CUL9: variants seen among roughly 807,000 people sequenced by gnomAD.
CUL9 encodes the protein cullin-9.
Under a neutral mutation model 272.6 loss-of-function variants are expected in CUL9, and 79 were observed. That is an observed-to-expected ratio of 0.29 (90% CI 0.24 to 0.35). The LOEUF (loss-of-function observed/expected upper bound fraction) is 0.35. Ranked by LOEUF, CUL9 falls within the 10% of genes least tolerant of loss-of-function variation. The pLI, the probability that CUL9 is intolerant of heterozygous loss-of-function variation, is 1.00. For synonymous variants in CUL9, 1,186 were observed against 1,286.5 expected (o/e 0.92, Z 1.67); for missense variants, 2,532 against 3,255.6 (o/e 0.78, Z 5.41).
intron 8 of CUL9, 86 bp from the exon 9 acceptor site, chr6:43,192,915 T>A: frequency 1.7e-6 from 2 of 1,160,060 alleles, no homozygotes; most frequent in Non-Finnish European, 1.3e-6. Flanking sequence ...TGGATGGGAT[T>A]GGTCAGGGAG....
At position 43,186,998 on chromosome 6, in the gene CUL9, C is replaced by A. The variant is rs977431085; in HGVS notation, c.1290C>A (p.His430Gln). ...CGACAGGCCGCACTTACTGGGTGCA[C>A]TGGCACATGCTGGAGATCCTGGGCC... ...WQSTGRTYWV[H>Q]WHMLEILGPE... is the part of the protein sequence containing the mutation. The change falls in exon 5 of 41, where the codon CAC (histidine) becomes CAA (glutamine). Residue 430 changes from histidine (H) to glutamine (Q), a missense_variant. By Grantham distance (24) the His-to-Gln change is conservative. Transcript: ENST00000252050. 6 of 1,614,114 alleles carry A rather than the reference C, an allele frequency of 3.7e-6. No homozygotes were observed. The African/African-American group carries it at 8.0e-5, about 22-fold the overall frequency.
Position 43,213,575 on chromosome 6 carries a change from A to C in CUL9, c.5488+8A>C. ...AGGACTTTCCACACGGGGGTAGGTC[A>C]TTGGGGGCCGGGCTGAGCCTCTGCT... On this transcript the variant is annotated splice_region_variant and intron_variant, in intron 28 of 40. Transcript: ENST00000252050. The surrounding 1 kb of genome is among the most constrained non-coding windows in gnomAD (Gnocchi z 5.7). The C allele has an allele frequency of 6.4e-7, 1 of 1,566,232 alleles. No individual in the cohort carries two copies. Among genetic ancestry groups the C allele is most frequent in the African/African-American group, 1.5e-5 (1 of 66,888 alleles).
chr6:43,184,330 C>T lies in CUL9; in HGVS notation c.20C>T (p.Ala7Val), dbSNP rs754873047. MVGERH[A>V]GDLMVPLGPR... ...GTCAGGATGGTGGGGGAACGGCATG[C>T]TGGGGACCTCATGGTGCCCTTAGGG... Residue 7 changes from alanine (A) to valine (V), a missense_variant, in exon 2 of 41, where the codon GCT (alanine) becomes GTT (valine). Physicochemically the swap from Ala to Val is moderately conservative, Grantham distance 64. This residue lies in a region of CUL9 where 2,218 missense variants were observed against 2,788.6 expected (regional missense o/e 0.80). Transcript: ENST00000252050. The surrounding 1 kb of genome is among the most constrained non-coding windows in gnomAD (Gnocchi z 4.8). 2.6e-6 allele frequency: 4 copies of T among 1,541,324 alleles called. No homozygotes were observed. In the South Asian group the frequency reaches 3.7e-5, roughly 14 times the overall value.
At chr6:43,222,212 G>C in intron 35 of CUL9, 104 bp from the exon 36 acceptor site, 1 of 832,814 alleles carries the variant, frequency 1.2e-6, no homozygotes, top group Admixed American at 1.8e-5. Flanking sequence ...GAAGATAATC[G>C]GGGGAGGTGT....
At chr6:43,191,350 T>C (rs1276678183) in intron 8 of CUL9, among the ~76,000 whole-genome samples, 2 of 150,892 alleles carry the variant, frequency 1.3e-5, no homozygotes, top group African/African-American at 4.9e-5. Flanking sequence ...TCTCAGTCTG[T>C]TGACCGGGCT....
In CUL9 at chr6:43,199,189, G is replaced by C; in HGVS notation, c.3051-77G>C. 1 of 1,234,986 alleles carries C rather than the reference G, an allele frequency of 8.1e-7. No individual in the cohort carries two copies. The highest frequency in any genetic ancestry group is 1.2e-6 in the Non-Finnish European group (1 of 842,608). The allele number at this position is 1,234,986 out of a possible 1,614,324, so 76.5% of individuals were successfully genotyped here. A position where few individuals can be genotyped will look rare whatever the true frequency, so the allele number is the denominator to read the frequency against. On this transcript the variant is annotated intron_variant, in intron 12 of 40. Coordinates refer to ENST00000252050, the MANE Select transcript of CUL9 (RefSeq NM_015089.4). This position sits in a 1 kb window ranked among gnomAD's most constrained non-coding sequence, Gnocchi z 4.4. ...GACCTCAGGTGATCCGCCCACTTCG[G>C]CCTCCCAAAGTGCTGGGATTACAGG...
chr6:43,193,316 G>A, intron 9 of CUL9, 108 bp downstream of exon 9: 1 of 924,494 alleles, frequency 1.1e-6, no homozygotes. Context: ...AGTAGACTTT[G>A]GAATGGAAAG....
In CUL9 at chr6:43,222,575, A is replaced by C. The variant is rs201235183; in HGVS notation, c.6966A>C (p.Glu2322Asp). 44 of 1,613,734 alleles carry C rather than the reference A, an allele frequency of 2.7e-5. No homozygotes were observed. The highest frequency in any genetic ancestry group is 3.3e-4 in the Middle Eastern group (2 of 6,062). The part of the protein sequence containing the change: ...NLRNRVSAIH[E>D]VPPPRSFTFL... Reference sequence around the variant, plus strand: ...GGAACCGGGTGTCTGCCATCCATGAAGTGCCCCCGCCCAGATCCTTCACCT... The same window carrying C: ...GGAACCGGGTGTCTGCCATCCATGACGTGCCCCCGCCCAGATCCTTCACCT... The change falls in exon 37 of 41, where the codon GAA (glutamate) becomes GAC (aspartate). Residue 2322 changes from glutamate (E) to aspartate (D), a missense_variant. Coordinates refer to ENST00000252050, the MANE Select transcript of CUL9 (RefSeq NM_015089.4).
At position 43,221,229 on chromosome 6, in the gene CUL9, C is replaced by T. The variant is rs754697150; in HGVS notation, c.6660C>T (p.Ser2220=). Residue 2220 remains serine, a synonymous_variant, in exon 34 of 41, where the codon AGC becomes AGT. Coordinates refer to ENST00000252050, the MANE Select transcript of CUL9 (RefSeq NM_015089.4). This position sits in a 1 kb window ranked among gnomAD's most constrained non-coding sequence, Gnocchi z 4.2. ...ACGGTGGCTACTATGACGGCATGAG[C>T]GTGGAGGCGCAGAGCAAGCACCTGG... The part of the protein sequence containing the change: ...VDDGGYYDGM[S]VEAQSKHLAK... 6.2e-6 allele frequency: 10 copies of T among 1,611,566 alleles called. No homozygotes were observed. Among genetic ancestry groups the T allele is most frequent in the East Asian group, 4.5e-5 (2 of 44,876 alleles).
intron 11 of CUL9, 70 bp from the exon 12 acceptor site, chr6:43,198,539 C>T (rs922358566): frequency 6.3e-7 from 1 of 1,576,926 alleles, no homozygotes; most frequent in Non-Finnish European, 8.6e-7. Context: ...CTGGACCTTC[C>T]CAGTTCTCAG....
rs775259550 is a variant in CUL9 at position 43,184,544 on chromosome 6, G to A, written c.234G>A (p.Gly78=). Residue 78 remains glycine (G), a synonymous_variant, in exon 2 of 41, where the codon GGG becomes GGA. Coordinates refer to ENST00000252050, the MANE Select transcript of CUL9 (RefSeq NM_015089.4). The surrounding 1 kb of genome is among the most constrained non-coding windows in gnomAD (Gnocchi z 4.8). ...SAPEVYANCP[G]LLGERALSKG... ...CTGAGGTCTACGCCAACTGCCCTGG[G>A]CTGTTAGGTGAGCGGGCACTATCTA... is the stretch of plus-strand genomic sequence containing the variant. 6.2e-7 allele frequency: 1 copy of A among 1,613,026 alleles called. No individual in the cohort carries two copies.
In CUL9 at chr6:43,196,192, G is replaced by A; in HGVS notation, c.2512G>A (p.Ala838Thr). ...AGAGATCTTCGCCAGCATCGACTCA[G>A]CCACACGCCCGGGCTCTGAGAGCCT... ...TREIFASIDS[A>T]TRPGSESLLL... The change falls in exon 10 of 41, where the codon GCC becomes ACC. Residue 838 changes from alanine (A) to threonine (T), a missense_variant. Ala to Thr is a moderately conservative substitution (Grantham distance 58, BLOSUM62 0). Coordinates refer to ENST00000252050, the MANE Select transcript of CUL9 (RefSeq NM_015089.4). The A allele has an allele frequency of 6.2e-7, 1 of 1,614,160 alleles. No homozygotes were observed. Among genetic ancestry groups the A allele is most frequent in the Non-Finnish European group, 8.5e-7 (1 of 1,180,038 alleles).
intron 26 of CUL9, among the ~76,000 whole-genome samples, chr6:43,211,816 T>C (rs1775526979): frequency 6.6e-6 from 1 of 152,100 alleles, no homozygotes; most frequent in Non-Finnish European, 1.5e-5. Context: ...AAAAAAAGGA[T>C]ACTACAGTTA....
chr6:43,211,220 T>C (rs1775451284), intron 26 of CUL9, among the ~76,000 whole-genome samples: 1 of 152,232 alleles, frequency 6.6e-6, no homozygotes, highest in African/African-American at 2.4e-5. Context: ...AGTCACCGTT[T>C]CCTTTGCCTC....
chr6:43,198,748 G>C lies in CUL9; in HGVS notation c.2943G>C (p.Val981=). Residue 981 remains valine, a synonymous_variant, in exon 12 of 41, where the codon GTG becomes GTC. Transcript: ENST00000252050. ...GTGAGGGCAGCCCCGGAGGTGCCGT[G>C]AGGCCCCTCCTCAAGCGCCTCCAGC... The part of the protein sequence containing the change: ...LCREGSPGGA[V]RPLLKRLQQE... 3 of 1,614,110 alleles carry C rather than the reference G, an allele frequency of 1.9e-6. No individual in the cohort carries two copies. The highest frequency in any genetic ancestry group is 2.5e-6 in the Non-Finnish European group (3 of 1,180,012).
In CUL9 at chr6:43,184,170, G is replaced by T. The variant is rs943483308; in HGVS notation, c.-9-132G>T. 9 of 575,066 alleles carry T rather than the reference G, an allele frequency of 1.6e-5. No homozygotes were observed. Among genetic ancestry groups the T allele is most frequent in the African/African-American group, 3.8e-5 (2 of 52,104 alleles). The allele number at this position is 575,066 out of a possible 1,614,324, so 35.6% of individuals were successfully genotyped here. ...TTCCATCCTATTTTTTGCCTTTTCT[G>T]TTTGGCCTCCTAAATTCTACCATGC... On this transcript the variant is annotated intron_variant, in intron 1 of 40. Transcript: ENST00000252050. The surrounding 1 kb of genome is among the most constrained non-coding windows in gnomAD (Gnocchi z 4.8).
chr6:43,200,539 A>ATCTGCTTTC lies in CUL9; in HGVS notation c.3475+16_3475+24dup. 1 of 1,614,098 alleles carries ATCTGCTTTC rather than the reference A, an allele frequency of 6.2e-7. No individual in the cohort carries two copies. On this transcript the variant is annotated intron_variant, in intron 15 of 40. Coordinates refer to ENST00000252050, the MANE Select transcript of CUL9 (RefSeq NM_015089.4). This position sits in a 1 kb window ranked among gnomAD's most constrained non-coding sequence, Gnocchi z 4.0. ...CATCTCTGCCAGGGTTAGTGCCCTC[A>ATCTGCTTTC]TCTGCTTTCTCCTGGCTCCCATCCA...
At position 43,206,057 on chromosome 6, in the gene CUL9, G is replaced by A. The variant is rs1329828915; in HGVS notation, c.4844G>A (p.Gly1615Glu). ...AGCTTTGGTTCGAGCTGGCTGGAGG[G>A]GGCTGTGCTAGAGCAGATTGGCCTC... is the stretch of plus-strand genomic sequence containing the variant. ...LLSFGSSWLE[G>E]AVLEQIGLCF... The change falls in exon 25 of 41, where the codon GGG (glycine) becomes GAG (glutamate). Residue 1615 changes from glycine to glutamate, a missense_variant. Coordinates refer to ENST00000252050, the MANE Select transcript of CUL9 (RefSeq NM_015089.4). This position sits in a 1 kb window ranked among gnomAD's most constrained non-coding sequence, Gnocchi z 4.8. 1.2e-6 allele frequency: 2 copies of A among 1,614,010 alleles called. No individual in the cohort carries two copies. The highest frequency in any genetic ancestry group is 1.7e-6 in the Non-Finnish European group (2 of 1,180,018).
chr6:43,204,807 A>G lies in CUL9; in HGVS notation c.4399A>G (p.Ser1467Gly). Residue 1467 changes from serine (S) to glycine (G), a missense_variant, in exon 22 of 41, where the codon AGC becomes GGC. Coordinates refer to ENST00000252050, the MANE Select transcript of CUL9 (RefSeq NM_015089.4). ...SPAPSPVLPSSSLRNITQCWL... is the reference protein window; with the variant it reads ...SPAPSPVLPSGSLRNITQCWL... ...GGCGCCTTCGCCAGTGCTTCCAAGC[A>G]GCAGCCTGAGGAACATAACCCAGTG... The G allele has an allele frequency of 6.2e-7, 1 of 1,614,228 alleles. No individual in the cohort carries two copies. Among genetic ancestry groups the G allele is most frequent in the Middle Eastern group, 1.6e-4 (1 of 6,062 alleles).
Sources: gnomAD v4.1 joint callset for allele counts (sites outside exome capture counted in the v4.1 genomes callset) on GRCh38, gnomAD v4.1.1 for gene constraint, gnomAD v4.1.1 regional missense constraint, Gnocchi (gnomAD v3.1) non-coding constraint, MANE v1.5 for transcripts, NCBI Gene and HGNC (gene_info 2026-07-23, HGNC 2026-07-21) for gene names.